AOX1: variants seen among roughly 807,000 people sequenced by gnomAD.
The protein encoded by AOX1 is aldehyde oxidase 1.
A neutral mutation model predicts 169.5 loss-of-function variants in AOX1; 153 were observed. The observed-to-expected ratio is 0.90, with a 90% CI of 0.79 to 1.03. The LOEUF (loss-of-function observed/expected upper bound fraction) is 1.03. Ranked by LOEUF, AOX1 falls within the 50% of genes least tolerant of loss-of-function variation. The pLI is 0.00. For synonymous variants in AOX1, 562 were observed against 581.9 expected (o/e 0.97, Z 0.49); for missense variants, 1,656 against 1,663.9 (o/e 1.00, Z 0.08).
intron 18 of AOX1, 102 bp from the exon 19 acceptor site, chr2:200,623,759 T>C: frequency 1.9e-6 from 3 of 1,564,498 alleles, no homozygotes; most frequent in Non-Finnish European, 2.6e-6. Flanking sequence ...TATCTAGCCC[T>C]AGCCCTACTG....
At chr2:200,628,446 G>A (rs989474223) in intron 20 of AOX1, among the ~76,000 whole-genome samples, 7 of 152,060 alleles carry the variant, frequency 4.6e-5, no homozygotes, top group Non-Finnish European at 7.4e-5. Flanking sequence ...TGCTTTCCCC[G>A]CCACACTCTG....
At chr2:200,646,458 G>A (rs533234623) in intron 25 of AOX1, among the ~76,000 whole-genome samples, 8 of 152,180 alleles carry the variant, frequency 5.3e-5, no homozygotes, top group African/African-American at 1.9e-4. Flanking sequence ...TAAATGTATT[G>A]AGCTTGTTTT....
At chr2:200,616,304 T>TTTGCA (rs1328458013) in intron 16 of AOX1, among the ~76,000 whole-genome samples, 3 of 152,260 alleles carry the variant, frequency 2.0e-5, no homozygotes, top group Admixed American at 1.3e-4. Context: ...GGTTACGTGC[T>TTTGCA]TTGCACTGTG....
intron 24 of AOX1, 66 bp from the exon 25 acceptor site, chr2:200,642,544 C>G: frequency 6.8e-7 from 1 of 1,471,874 alleles, no homozygotes; most frequent in South Asian, 1.2e-5. Flanking sequence ...TGGTTTTGGT[C>G]TGAGGTCGTA....
chr2:200,616,923 A>G (rs1002789990), intron 16 of AOX1, among the ~76,000 whole-genome samples: 4 of 152,226 alleles, frequency 2.6e-5, no homozygotes, highest in African/African-American at 9.6e-5. Flanking sequence ...TTTAGGTTCA[A>G]TATGTTTAAA....
intron 32 of AOX1, among the ~76,000 whole-genome samples, chr2:200,667,569 A>G (rs1032123055): frequency 1.3e-5 from 2 of 151,912 alleles, no homozygotes; most frequent in Admixed American, 6.6e-5. Context: ...TCAAGGAAAG[A>G]ATGAGAAACG....
At chr2:200,656,730 G>C in intron 26 of AOX1, 112 bp from the exon 27 acceptor site, 2 of 711,390 alleles carry the variant, frequency 2.8e-6, no homozygotes, top group Middle Eastern at 2.7e-4. Context: ...GCTCCACCCT[G>C]GGGGGTGCGG....
intron 28 of AOX1, 136 bp from the exon 29 acceptor site, chr2:200,659,859 C>T (rs1186140682): frequency 4.8e-6 from 3 of 628,882 alleles, no homozygotes; most frequent in Non-Finnish European, 8.2e-6. Context: ...TTCATATCAC[C>T]TTCATACAGG....
intron 21 of AOX1, among the ~76,000 whole-genome samples, chr2:200,635,232 AAG>A (rs2035206840): frequency 6.6e-6 from 1 of 152,178 alleles, no homozygotes; most frequent in Non-Finnish European, 1.5e-5. Flanking sequence ...GTGCTTTTAA[AAG>A]AGTGTTATTA....
chr2:200,642,279 T>C (rs936971299), intron 24 of AOX1, among the ~76,000 whole-genome samples: 1 of 152,190 alleles, frequency 6.6e-6, no homozygotes, highest in Admixed American at 6.5e-5. Context: ...TTTCACTGTC[T>C]TCCAGGATAT....
intron 27 of AOX1, among the ~76,000 whole-genome samples, chr2:200,658,914 G>A (rs1264092036): frequency 6.6e-6 from 1 of 152,168 alleles, no homozygotes; most frequent in African/African-American, 2.4e-5. Flanking sequence ...TTGGCCTGGG[G>A]CCTCACCTCC....
intron 24 of AOX1, 79 bp from the exon 25 acceptor site, chr2:200,642,531 G>A (rs1231574652): frequency 1.1e-5 from 14 of 1,228,654 alleles, no homozygotes; most frequent in Non-Finnish European, 1.6e-5. Context: ...GCCATTTTCG[G>A]CCTGGTTTTG....
chr2:200,609,437 A>C, intron 12 of AOX1, 23 bp downstream of exon 12: 13 of 1,596,346 alleles, frequency 8.1e-6, no homozygotes, highest in Non-Finnish European at 1.1e-5. Flanking sequence ...CCCTACTTGG[A>C]GATTATTAAG....
intron 20 of AOX1, among the ~76,000 whole-genome samples, chr2:200,629,055 G>A (rs1477886791): frequency 6.6e-6 from 1 of 152,234 alleles, no homozygotes; most frequent in East Asian, 1.9e-4. Context: ...CCAGAGCTGT[G>A]TAATATGTCA....
chr2:200,624,286 C>T (rs933590119), intron 19 of AOX1, among the ~76,000 whole-genome samples: 1 of 152,214 alleles, frequency 6.6e-6, no homozygotes, highest in Non-Finnish European at 1.5e-5. Context: ...CCCCAGCATT[C>T]TAAGCACAAA....
downstream of AOX1, among the ~76,000 whole-genome samples, chr2:200,675,005 G>C (rs1453843575): frequency 6.6e-6 from 1 of 152,184 alleles, no homozygotes; most frequent in Non-Finnish European, 1.5e-5. Context: ...AAGGGGATCT[G>C]CTTCACAGCA....
chr2:200,659,782 TCTCTCA>T lies in AOX1; in HGVS notation c.3301-211_3301-206del, dbSNP rs1255364189. 4.0e-3 allele frequency among the ~76,000 whole-genome samples: 534 copies of T among 134,740 alleles called. 4 individuals are homozygous for T. Among genetic ancestry groups the T allele is most frequent in the African/African-American group, 0.011 (362 of 33,732 alleles). The allele number at this position is 134,740 out of a possible 152,430, so 88.4% of individuals were successfully genotyped here. A position where few individuals can be genotyped will look rare whatever the true frequency, so the allele number is the denominator to read the frequency against. ...AGCATGGCTTACAAGGCCAGTTCTC[TCTCTCA>T]CACACACACACACACACACACACAC... is the stretch of plus-strand genomic sequence containing the variant. On this transcript the variant is annotated intron_variant, in intron 28 of 34. Coordinates refer to ENST00000374700, the MANE Select transcript of AOX1 (RefSeq NM_001159.4).
In AOX1 at chr2:200,634,877, G is replaced by C. The variant is rs1559248197; in HGVS notation, c.2308G>C (p.Asp770His). The C allele has an allele frequency of 6.2e-7, 1 of 1,614,102 alleles. No individual in the cohort carries two copies. The highest frequency in any genetic ancestry group is 8.5e-7 in the Non-Finnish European group (1 of 1,179,988). The stretch of plus-strand genomic sequence containing the variant: ...TCCCAAGGGAGAGGATCAAGAAATG[G>C]ATGTCTACGTGTCCACACAGTTTCC... ...VVPKGEDQEM[D>H]VYVSTQFPKY... Residue 770 changes from aspartate (D) to histidine (H), a missense_variant, in exon 21 of 35, where the codon GAT (aspartate) becomes CAT (histidine). Coordinates refer to ENST00000374700, the MANE Select transcript of AOX1 (RefSeq NM_001159.4).
At chr2:200,641,849 A>G (rs1404665432) in intron 24 of AOX1, among the ~76,000 whole-genome samples, 1 of 152,062 alleles carries the variant, frequency 6.6e-6, no homozygotes, top group Non-Finnish European at 1.5e-5. Flanking sequence ...CCAAACAAAA[A>G]TGTTTCAACC....
Sources: gnomAD v4.1 joint callset for allele counts (sites outside exome capture counted in the v4.1 genomes callset) on GRCh38, gnomAD v4.1.1 for gene constraint, MANE v1.5 for transcripts, NCBI Gene and HGNC (gene_info 2026-07-23, HGNC 2026-07-21) for gene names.